The following TAFA1 variants were observed in gnomAD, a reference collection of about 807,000 sequenced individuals.
TAFA1 encodes the protein chemokine-like protein TAFA-1.
A neutral mutation model predicts 18.5 loss-of-function variants in TAFA1; 4 were observed. The observed-to-expected ratio is 0.22, with a 90% CI of 0.11 to 0.49. The LOEUF is 0.49. Among genes scored for constraint, TAFA1 ranks in the 20% least tolerant of loss-of-function variants. The pLI is 0.98. For synonymous variants in TAFA1, 56 were observed against 55.2 expected (o/e 1.01, Z -0.06); for missense variants, 147 against 169.0 (o/e 0.87, Z 0.72).
chr3:68,389,573 G>T (rs2106704960), intron 2 of TAFA1, among the ~76,000 whole-genome samples: 1 of 152,268 alleles, frequency 6.6e-6, no homozygotes, highest in Non-Finnish European at 1.5e-5. Context: ...TCCCGGGCAA[G>T]ATGGCCAAAT....
At chr3:68,033,738 A>C (rs1704986946) in intron 2 of TAFA1, among the ~76,000 whole-genome samples, 1 of 152,224 alleles carries the variant, frequency 6.6e-6, no homozygotes, top group Non-Finnish European at 1.5e-5. Flanking sequence ...AGGAAGAGGA[A>C]CTGGAATATA....
At chr3:68,472,327 C>A (rs35996140) in intron 3 of TAFA1, among the ~76,000 whole-genome samples, 30,952 of 151,986 alleles carry the variant, frequency 0.2, 3,324 homozygotes, top group African/African-American at 0.24. Flanking sequence ...TCCCCATTAG[C>A]CTTCAGCCAT....
chr3:68,270,403 TC>T (rs1483477658), intron 2 of TAFA1, among the ~76,000 whole-genome samples: 1 of 152,186 alleles, frequency 6.6e-6, no homozygotes, highest in Non-Finnish European at 1.5e-5. Flanking sequence ...TCCTCAAACC[TC>T]TTATGTTGCC....
chr3:68,065,169 G>A lies in TAFA1; in HGVS notation c.118+58425G>A, dbSNP rs183867134. Among the ~76,000 whole-genome samples the A allele has an allele frequency of 1.2e-3, 182 of 152,274 alleles. 1 individual carries two copies. In the Middle Eastern group the frequency reaches 0.014, roughly 11 times the overall value. On this transcript the variant is annotated intron_variant, in intron 2 of 4. Transcript: ENST00000478136. ...TCTACATCTACAACAGACAGAGAGCGACTAACTATGAATGTCTACTGTAAC... is the reference window on the plus strand; with the variant it reads ...TCTACATCTACAACAGACAGAGAGCAACTAACTATGAATGTCTACTGTAAC...
intron 2 of TAFA1, among the ~76,000 whole-genome samples, chr3:68,406,817 C>A (rs6549124): frequency 0.98 from 149,448 of 152,300 alleles, 73,336 homozygotes; most frequent in East Asian, 1. Context: ...AGAGAGTAAA[C>A]GTTCCACAAT....
At chr3:68,414,659 A>G (rs1183630300) in intron 2 of TAFA1, among the ~76,000 whole-genome samples, 1 of 152,206 alleles carries the variant, frequency 6.6e-6, no homozygotes, top group African/African-American at 2.4e-5. Flanking sequence ...GAGCTCCAAG[A>G]GTAGCAGAGA....
intron 3 of TAFA1, among the ~76,000 whole-genome samples, chr3:68,501,469 G>A (rs1239377646): frequency 2.6e-5 from 4 of 152,120 alleles, no homozygotes; most frequent in Non-Finnish European, 5.9e-5. Flanking sequence ...CCATGAGAGT[G>A]TATAAAATAA....
intron 2 of TAFA1, among the ~76,000 whole-genome samples, chr3:68,149,126 G>A (rs778852487): frequency 9.9e-5 from 15 of 152,186 alleles, no homozygotes; most frequent in South Asian, 2.1e-4. Context: ...AGTAAGCAAC[G>A]TTTTTTACCC....
chr3:68,330,404 G>C (rs897869620), intron 2 of TAFA1, among the ~76,000 whole-genome samples: 1 of 152,156 alleles, frequency 6.6e-6, no homozygotes, highest in Non-Finnish European at 1.5e-5. Flanking sequence ...TTACTGTGTG[G>C]ATTATTTCAA....
chr3:68,388,629 T>G (rs1437323779), intron 2 of TAFA1, among the ~76,000 whole-genome samples: 1 of 152,190 alleles, frequency 6.6e-6, no homozygotes, highest in Non-Finnish European at 1.5e-5. Flanking sequence ...TCTACAGAGT[T>G]AGATGGAGTG....
chr3:68,117,383 A>G (rs553705863), intron 2 of TAFA1, among the ~76,000 whole-genome samples: 1 of 152,322 alleles, frequency 6.6e-6, no homozygotes, highest in East Asian at 1.9e-4. Context: ...TTACAAGTTA[A>G]ATGGAAAGCC....
At chr3:68,103,105 G>A (rs1009390933) in intron 2 of TAFA1, among the ~76,000 whole-genome samples, 1 of 152,224 alleles carries the variant, frequency 6.6e-6, no homozygotes, top group Non-Finnish European at 1.5e-5. Context: ...AAAGGGCTCT[G>A]GTGTCCAAAG....
chr3:68,508,920 CAGAA>C (rs1220862026), intron 3 of TAFA1, among the ~76,000 whole-genome samples: 1 of 151,780 alleles, frequency 6.6e-6, no homozygotes, highest in Non-Finnish European at 1.5e-5. Flanking sequence ...ATTGAGACAA[CAGAA>C]GGAAGAAGAG....
At chr3:68,121,908 G>A (rs1475537216) in intron 2 of TAFA1, among the ~76,000 whole-genome samples, 1 of 149,818 alleles carries the variant, frequency 6.7e-6, no homozygotes, top group Non-Finnish European at 1.5e-5. Flanking sequence ...ATTAATTGCA[G>A]GATGTTTATA....
chr3:68,208,236 C>T (rs1183316689), intron 2 of TAFA1, among the ~76,000 whole-genome samples: 1 of 151,890 alleles, frequency 6.6e-6, no homozygotes, highest in Admixed American at 6.6e-5. Context: ...ATTTCAATAA[C>T]ATGCAGCATC....
At chr3:68,113,895 TTG>T (rs377236905) in intron 2 of TAFA1, among the ~76,000 whole-genome samples, 7,634 of 18,436 alleles carry the variant, frequency 0.41, 1,148 homozygotes, top group Admixed American at 0.48. Context: ...GTAGTTTTTT[TTG>T]TTTTTTTTTT....
intron 2 of TAFA1, among the ~76,000 whole-genome samples, chr3:68,272,955 C>G (rs1216323184): frequency 1.3e-5 from 2 of 152,000 alleles, no homozygotes; most frequent in Non-Finnish European, 2.9e-5. Flanking sequence ...GAACTGAGGG[C>G]CTGGCCTGGC....
intron 3 of TAFA1, among the ~76,000 whole-genome samples, chr3:68,490,359 C>A (rs1446848766): frequency 1.3e-5 from 2 of 152,030 alleles, no homozygotes; most frequent in Non-Finnish European, 2.9e-5. Flanking sequence ...AATATTGCAA[C>A]TAAATTTTAA....
chr3:68,055,681 A>G (rs1176235745), intron 2 of TAFA1, among the ~76,000 whole-genome samples: 1 of 151,984 alleles, frequency 6.6e-6, no homozygotes, highest in East Asian at 1.9e-4. Context: ...TAAGATGTAG[A>G]TAACTTCTGA....
Sources: gnomAD v4.1 joint callset for allele counts (sites outside exome capture counted in the v4.1 genomes callset) on GRCh38, gnomAD v4.1.1 for gene constraint, MANE v1.5 for transcripts, NCBI Gene and HGNC (gene_info 2026-07-23, HGNC 2026-07-21) for gene names.